Variants in CAPZB observed in about 807,000 individuals in gnomAD.
CAPZB encodes the protein capping actin protein of muscle Z-line subunit beta.
A neutral mutation model predicts 38.1 loss-of-function variants in CAPZB; 2 were observed. The observed-to-expected ratio is 0.05, with a 90% CI of 0.02 to 0.17. The LOEUF (loss-of-function observed/expected upper bound fraction) is 0.17. CAPZB is among the 10% of genes least tolerant of loss of function. CAPZB has a pLI of 1.00. For synonymous variants in CAPZB, 107 were observed against 127.4 expected (o/e 0.84, Z 1.08); for missense variants, 161 against 334.2 (o/e 0.48, Z 4.04).
intron 2 of CAPZB, among the ~76,000 whole-genome samples, chr1:19,416,859 T>TAAAA (rs2094381671): frequency 7.6e-5 from 1 of 13,226 alleles, no homozygotes; most frequent in Non-Finnish European, 1.2e-4. Flanking sequence ...AGACCCTGTC[T>TAAAA]CAAAAAAAAA....
At chr1:19,355,569 T>C (rs1251875874) in intron 6 of CAPZB, among the ~76,000 whole-genome samples, 1 of 152,092 alleles carries the variant, frequency 6.6e-6, no homozygotes, top group African/African-American at 2.4e-5. Context: ...ATTGAGAGCA[T>C]AATTATCTTA....
chr1:19,399,137 C>T (rs1194719846), intron 2 of CAPZB, among the ~76,000 whole-genome samples: 1 of 152,120 alleles, frequency 6.6e-6, no homozygotes, highest in Non-Finnish European at 1.5e-5. Context: ...GGATTACAGG[C>T]ATGAGCCACC....
At chr1:19,348,152 TGAA>T (rs1558172497) in intron 6 of CAPZB, among the ~76,000 whole-genome samples, 1 of 152,180 alleles carries the variant, frequency 6.6e-6, no homozygotes, top group African/African-American at 2.4e-5. Context: ...CATCGCGTGA[TGAA>T]GACACTGCAG....
At chr1:19,342,752 C>G (rs1384882111) in intron 8 of CAPZB, 2 of 1,601,410 alleles carry the variant, frequency 1.2e-6, no homozygotes, top group African/African-American at 1.3e-5. Flanking sequence ...GGCAGGGTAC[C>G]TGGATCGGCT....
chr1:19,481,434 G>T (rs913199581), intron 1 of CAPZB, among the ~76,000 whole-genome samples: 1 of 152,200 alleles, frequency 6.6e-6, no homozygotes, highest in African/African-American at 2.4e-5. Context: ...GTGGGGTCCA[G>T]CACATGACTT....
At chr1:19,343,934 GGCCCTGCCTGCACGTTGC>G (rs1315928099) in intron 8 of CAPZB, among the ~76,000 whole-genome samples, 1 of 152,212 alleles carries the variant, frequency 6.6e-6, no homozygotes, top group African/African-American at 2.4e-5. Context: ...CCGGACTGAG[GGCCCTGCCTGCACGTTGC>G]GCTCTGCTGT....
In CAPZB at chr1:19,411,908, G is replaced by A. The variant is rs189385514; in HGVS notation, c.93+7753C>T. Among the ~76,000 whole-genome samples, 14 of 152,264 alleles carry A rather than the reference G, an allele frequency of 9.2e-5. 1 individual carries two copies. Among genetic ancestry groups the A allele is most frequent in the Admixed American group, 1.3e-4 (2 of 15,294 alleles). Reference sequence around the variant, plus strand: ...CAGGTCCTCAGGTTGATAACAGGCCGGGGTCATGAAGGGCCGCCATCCTCC... The same window carrying A: ...CAGGTCCTCAGGTTGATAACAGGCCAGGGTCATGAAGGGCCGCCATCCTCC... On this transcript the variant is annotated intron_variant, in intron 2 of 8. Coordinates refer to ENST00000264202, the MANE Select transcript of CAPZB (RefSeq NM_004930.5).
At chr1:19,415,022 T>C (rs892443696) in intron 2 of CAPZB, among the ~76,000 whole-genome samples, 1 of 152,264 alleles carries the variant, frequency 6.6e-6, no homozygotes, top group Non-Finnish European at 1.5e-5. Flanking sequence ...GCATGATAAA[T>C]TGGGCTGCCT....
chr1:19,345,068 G>A (rs1300783263), intron 7 of CAPZB, 119 bp downstream of exon 7: 1 of 788,810 alleles, frequency 1.3e-6, no homozygotes, highest in Non-Finnish European at 2.2e-6. Flanking sequence ...GAAGCGCTCT[G>A]CCGGCTGCGG....
At chr1:19,385,761 C>T (rs1199386469) in intron 2 of CAPZB, 135 bp from the exon 3 acceptor site, 1 of 994,580 alleles carries the variant, frequency 1.0e-6, no homozygotes, top group East Asian at 2.4e-5. Context: ...AAATTATGGG[C>T]CTGTTCTTTT....
intron 1 of CAPZB, among the ~76,000 whole-genome samples, chr1:19,435,307 C>T (rs1413597868): frequency 6.6e-6 from 1 of 152,188 alleles, no homozygotes; most frequent in Non-Finnish European, 1.5e-5. Context: ...AGTGTTATGT[C>T]TCAAGAAGAA....
chr1:19,408,985 T>C (rs900099823), intron 2 of CAPZB, among the ~76,000 whole-genome samples: 1 of 152,142 alleles, frequency 6.6e-6, no homozygotes, highest in Non-Finnish European at 1.5e-5. Context: ...CAAACACTTA[T>C]GAAAATAAAA....
chr1:19,467,101 T>C (rs370002694), intron 1 of CAPZB, among the ~76,000 whole-genome samples: 2 of 152,272 alleles, frequency 1.3e-5, no homozygotes, highest in East Asian at 3.9e-4. Flanking sequence ...TGGGTCTCAC[T>C]ATGTTGCCTA....
At chr1:19,373,984 C>G (rs892571470) in intron 4 of CAPZB, among the ~76,000 whole-genome samples, 1 of 152,190 alleles carries the variant, frequency 6.6e-6, no homozygotes, top group Non-Finnish European at 1.5e-5. Context: ...CAAGCAGGGC[C>G]TCAAGGAGTA....
chr1:19,363,682 C>T (rs1290178285), intron 4 of CAPZB, among the ~76,000 whole-genome samples: 5 of 152,162 alleles, frequency 3.3e-5, no homozygotes, highest in South Asian at 2.1e-4. Context: ...GGGGTGGAAA[C>T]GTGCTCGGGG....
chr1:19,410,217 G>A (rs1032690336), intron 2 of CAPZB, among the ~76,000 whole-genome samples: 3 of 152,130 alleles, frequency 2.0e-5, no homozygotes, highest in Admixed American at 6.5e-5. Context: ...ACCAAAATCA[G>A]CCTGTGCTCC....
chr1:19,392,426 G>A (rs891686470), intron 2 of CAPZB, among the ~76,000 whole-genome samples: 4 of 151,698 alleles, frequency 2.6e-5, no homozygotes, highest in Non-Finnish European at 5.9e-5. Context: ...ACAGAGAGGA[G>A]CAAAGCGCGG....
chr1:19,431,537 C>T (rs1176659333), intron 1 of CAPZB, among the ~76,000 whole-genome samples: 4 of 151,908 alleles, frequency 2.6e-5, no homozygotes, highest in South Asian at 2.1e-4. Context: ...CTGGCTAACA[C>T]GGTGAAACCC....
chr1:19,446,843 ATT>A (rs547933901), intron 1 of CAPZB, among the ~76,000 whole-genome samples: 1 of 152,048 alleles, frequency 6.6e-6, no homozygotes, highest in Non-Finnish European at 1.5e-5. Flanking sequence ...GGAAAGATTG[ATT>A]TTTTCCCCTC....
Sources: allele counts gnomAD v4.1 joint callset (sites outside exome capture counted in the v4.1 genomes callset), GRCh38; gene constraint gnomAD v4.1.1; transcripts MANE v1.5; gene names NCBI Gene and HGNC (gene_info 2026-07-23, HGNC 2026-07-21).